The following DPY19L4 variants were observed in gnomAD, a reference collection of about 807,000 sequenced individuals.
The protein encoded by DPY19L4 is dpy-19 like 4, also known as probable C-mannosyltransferase DPY19L4.
DPY19L4 carries 97 observed loss-of-function variants against 102.8 expected under a neutral mutation model. The observed-to-expected ratio is 0.94, with a 90% CI of 0.80 to 1.12. The LOEUF is 1.12. Ranked by LOEUF, DPY19L4 falls within the 50% of genes most tolerant of loss-of-function variation. The pLI is 0.00. For missense variants in DPY19L4, 815 were observed against 850.4 expected (o/e 0.96, Z 0.52); for synonymous variants, 252 against 283.1 (o/e 0.89, Z 1.10).
intron 17 of DPY19L4, among the ~76,000 whole-genome samples, chr8:94,784,358 C>G (rs1813567048): frequency 6.6e-6 from 1 of 152,184 alleles, no homozygotes; most frequent in Non-Finnish European, 1.5e-5. Context: ...TTACAGGCAC[C>G]TGCCACCACA....
chr8:94,770,956 C>T (rs1812905719), intron 13 of DPY19L4, among the ~76,000 whole-genome samples: 1 of 151,172 alleles, frequency 6.6e-6, no homozygotes. Context: ...GCTCTGTCAC[C>T]CAGGCTGGAG....
chr8:94,775,062 G>A (rs531139243), intron 13 of DPY19L4, among the ~76,000 whole-genome samples: 4 of 152,174 alleles, frequency 2.6e-5, no homozygotes, highest in African/African-American at 7.2e-5. Flanking sequence ...TGGATACAAG[G>A]GGTCTTCAAA....
At chr8:94,733,167 C>A (rs1055442627) in intron 2 of DPY19L4, among the ~76,000 whole-genome samples, 8 of 146,498 alleles carry the variant, frequency 5.5e-5, no homozygotes, top group Admixed American at 1.4e-4. Context: ...GCTCTGTCGC[C>A]CAGGCTGGAG....
chr8:94,725,501 CTT>C (rs1810647475), intron 1 of DPY19L4, among the ~76,000 whole-genome samples: 1 of 152,160 alleles, frequency 6.6e-6, no homozygotes, highest in South Asian at 2.1e-4. Context: ...ATATAGGTAT[CTT>C]TGTAGGTTCA....
Position 94,787,984 on chromosome 8 carries a change from A to C in DPY19L4, c.1939A>C (p.Ile647Leu). Residue 647 changes from isoleucine to leucine, a missense_variant, in exon 18 of 19, where the codon ATC becomes CTC. Coordinates refer to ENST00000414645, the MANE Select transcript of DPY19L4 (RefSeq NM_181787.3). Reference protein sequence around the residue: ...KANYLIVEDAICNEVGPMRGC... With the variant: ...KANYLIVEDALCNEVGPMRGC... Reference sequence around the variant, plus strand: ...TAATTACCTAATTGTAGAGGATGCTATCTGCAATGAGGTGGGACCCATGAG... The same window carrying C: ...TAATTACCTAATTGTAGAGGATGCTCTCTGCAATGAGGTGGGACCCATGAG... 1 of 1,522,798 alleles carries C rather than the reference A, an allele frequency of 6.6e-7. No individual in the cohort carries two copies. Among genetic ancestry groups the C allele is most frequent in the Non-Finnish European group, 8.8e-7 (1 of 1,135,904 alleles). 94.3% of individuals were successfully genotyped at this position (1,522,798 alleles called of 1,614,324 possible).
chr8:94,773,259 A>G (rs542356980), intron 13 of DPY19L4, among the ~76,000 whole-genome samples: 40 of 151,766 alleles, frequency 2.6e-4, no homozygotes, highest in African/African-American at 9.4e-4. Flanking sequence ...TTTGCATATT[A>G]AAGTTAATTA....
chr8:94,777,546 TCAC>T, intron 13 of DPY19L4, 117 bp from the exon 14 acceptor site: 1 of 1,274,940 alleles, frequency 7.8e-7, no homozygotes, highest in Admixed American at 2.4e-5. Flanking sequence ...CTAAGCTTTT[TCAC>T]TGTCCCTTAG....
At chr8:94,772,238 C>T (rs1812968632) in intron 13 of DPY19L4, among the ~76,000 whole-genome samples, 1 of 152,134 alleles carries the variant, frequency 6.6e-6, no homozygotes, top group South Asian at 2.1e-4. Flanking sequence ...TAGGATCCCC[C>T]TTCCTCAGAA....
At chr8:94,738,490 C>A (rs1222191462) in intron 4 of DPY19L4, 31 bp downstream of exon 4, 11 of 1,271,622 alleles carry the variant, frequency 8.7e-6, no homozygotes, top group Non-Finnish European at 1.1e-5. Flanking sequence ...TTTTTAATAA[C>A]AGTATTTTCC....
intron 13 of DPY19L4, among the ~76,000 whole-genome samples, chr8:94,775,981 A>G (rs1215818933): frequency 6.7e-6 from 1 of 148,490 alleles, no homozygotes; most frequent in African/African-American, 2.5e-5. Context: ...TTTTCTGTAC[A>G]CCTGGATTTT....
chr8:94,764,170 T>C (rs552110541), intron 8 of DPY19L4, among the ~76,000 whole-genome samples: 3 of 152,290 alleles, frequency 2.0e-5, no homozygotes, highest in African/African-American at 7.2e-5. Flanking sequence ...TGAGGTTGCA[T>C]AGATGAATTT....
At chr8:94,723,931 A>G (rs1810580391) in intron 1 of DPY19L4, among the ~76,000 whole-genome samples, 13 of 152,214 alleles carry the variant, frequency 8.5e-5, no homozygotes, top group Admixed American at 8.5e-4. Context: ...TGAGATTTGT[A>G]TACTTCATAA....
chr8:94,776,031 T>C (rs1333274307), intron 13 of DPY19L4, among the ~76,000 whole-genome samples: 1 of 137,730 alleles, frequency 7.3e-6, no homozygotes, highest in Admixed American at 7.2e-5. Context: ...TAAATCTTTT[T>C]TTTTTTTTTT....
intron 6 of DPY19L4, among the ~76,000 whole-genome samples, chr8:94,743,314 GCCAC>G (rs1167049047): frequency 2.0e-5 from 3 of 152,246 alleles, no homozygotes; most frequent in African/African-American, 7.2e-5. Context: ...ACAGGCGTGA[GCCAC>G]TGTGTCTAGC....
intron 6 of DPY19L4, chr8:94,744,747 T>G (rs1811597234): frequency 2.9e-6 from 1 of 346,102 alleles, no homozygotes; most frequent in African/African-American, 2.1e-5. Context: ...TAGTGAGAAT[T>G]GTAAGAAATA....
Position 94,789,852 on chromosome 8 carries a change from A to G in DPY19L4, c.2114A>G (p.Tyr705Cys). 1.2e-6 allele frequency: 2 copies of G among 1,610,402 alleles called. No individual in the cohort carries two copies. The highest frequency in any genetic ancestry group is 1.7e-6 in the Non-Finnish European group (2 of 1,178,918). Residue 705 changes from tyrosine (Y) to cysteine (C), a missense_variant, in exon 19 of 19, where the codon TAC becomes TGC. By Grantham distance (194) the Tyr-to-Cys change is radical (BLOSUM62 -2). Transcript: ENST00000414645. ...SPYVNYFTRV[Y>C]WNRSYFVYKI... is the part of the protein sequence containing the mutation. Reference sequence around the variant, plus strand: ...TATGTGAATTATTTCACTAGAGTATACTGGAACAGATCCTACTTTGTATAT... The same window carrying G: ...TATGTGAATTATTTCACTAGAGTATGCTGGAACAGATCCTACTTTGTATAT...
chr8:94,779,219 TA>T (rs10632320), intron 14 of DPY19L4, among the ~76,000 whole-genome samples: 246 of 145,968 alleles, frequency 1.7e-3, no homozygotes, highest in African/African-American at 5.5e-3. Context: ...TTTTATAGAT[TA>T]AAAAAAAAAA....
intron 6 of DPY19L4, among the ~76,000 whole-genome samples, chr8:94,749,411 G>A (rs938108800): frequency 1.3e-5 from 2 of 152,090 alleles, no homozygotes; most frequent in African/African-American, 2.4e-5. Context: ...GGGTGTACTC[G>A]GCAGCAGTCC....
rs1371400784 is a variant in DPY19L4, at chr8:94,734,677, G to A, written c.175G>A (p.Ala59Thr). Residue 59 changes from alanine (A) to threonine (T), a missense_variant, in exon 3 of 19, where the codon GCG (alanine) becomes ACG (threonine). By Grantham distance (58) the Ala-to-Thr change is moderately conservative. Coordinates refer to ENST00000414645, the MANE Select transcript of DPY19L4 (RefSeq NM_181787.3). ...AAAGATTTTCATTGGCTGTCTTGCA[G>A]CGGTTACTAGTGGTATGATGTATGC... ...FAKIFIGCLA[A>T]VTSGMMYALY... 11 of 1,613,926 alleles carry A rather than the reference G, an allele frequency of 6.8e-6. No homozygotes were observed. The highest frequency in any genetic ancestry group is 1.6e-4 in the Middle Eastern group (1 of 6,078).
Sources: gnomAD v4.1 joint callset for allele counts (sites outside exome capture counted in the v4.1 genomes callset) on GRCh38, gnomAD v4.1.1 for gene constraint, MANE v1.5 for transcripts, NCBI Gene and HGNC (gene_info 2026-07-23, HGNC 2026-07-21) for gene names.